Variants in COL8A1 observed in about 807,000 individuals in gnomAD.
COL8A1 encodes collagen type VIII alpha 1 chain.
Under a neutral mutation model 42.7 loss-of-function variants are expected in COL8A1, and 21 were observed. The ratio of observed to expected loss-of-function variants is 0.49; its 90% CI spans 0.35 to 0.71. The LOEUF (loss-of-function observed/expected upper bound fraction) is 0.71. Ranked by LOEUF, COL8A1 falls within the 30% of genes least tolerant of loss-of-function variation. The pLI is 0.01. For synonymous variants in COL8A1, 367 were observed against 369.1 expected (o/e 0.99, Z 0.06); for missense variants, 788 against 962.4 (o/e 0.82, Z 2.40).
intron 1 of COL8A1, among the ~76,000 whole-genome samples, chr3:99,697,278 G>A (rs1371029799): frequency 6.6e-6 from 1 of 152,078 alleles, no homozygotes; most frequent in African/African-American, 2.4e-5. Context: ...GAGCCACCGC[G>A]CCCGGCACAA....
intron 1 of COL8A1, among the ~76,000 whole-genome samples, chr3:99,731,087 A>T (rs900805158): frequency 1.6e-4 from 24 of 152,130 alleles, no homozygotes; most frequent in Non-Finnish European, 2.8e-4. Flanking sequence ...TACAGTACAC[A>T]AAGCAAGTTT....
At chr3:99,646,581 C>T (rs528136985) in intron 1 of COL8A1, among the ~76,000 whole-genome samples, 25 of 152,166 alleles carry the variant, frequency 1.6e-4, no homozygotes, top group Admixed American at 6.5e-5. Flanking sequence ...TAATTTAGTA[C>T]GGTAAATGGA....
intron 1 of COL8A1, among the ~76,000 whole-genome samples, chr3:99,654,936 AGG>A (rs757813225): frequency 6.6e-6 from 1 of 152,162 alleles, no homozygotes; most frequent in African/African-American, 2.4e-5. Flanking sequence ...TTGTTTGGTT[AGG>A]ACTTCCATGC....
At chr3:99,731,591 C>A (rs531653059) in intron 1 of COL8A1, among the ~76,000 whole-genome samples, 1 of 152,238 alleles carries the variant, frequency 6.6e-6, no homozygotes, top group Admixed American at 6.5e-5. Flanking sequence ...ATGATCTGAT[C>A]TACATTTTTC....
At chr3:99,752,741 C>G (rs1325861941) in intron 2 of COL8A1, among the ~76,000 whole-genome samples, 1 of 151,256 alleles carries the variant, frequency 6.6e-6, no homozygotes, top group Non-Finnish European at 1.5e-5. Flanking sequence ...CTCTGGACTA[C>G]AGTGAATTCA....
chr3:99,754,439 T>A (rs1941214226), intron 2 of COL8A1, among the ~76,000 whole-genome samples: 2 of 152,138 alleles, frequency 1.3e-5, no homozygotes, highest in Non-Finnish European at 2.9e-5. Context: ...ACTGTTTTTT[T>A]TTTTCAAATT....
chr3:99,770,886 G>A (rs927300971), intron 2 of COL8A1, among the ~76,000 whole-genome samples: 1 of 152,228 alleles, frequency 6.6e-6, no homozygotes, highest in African/African-American at 2.4e-5. Context: ...AGAATGCTAT[G>A]AATGAGGCCA....
rs189638247 is a variant in COL8A1, at chr3:99,698,068, T to G, written c.-128-46829T>G. On this transcript the variant is annotated intron_variant, in intron 1 of 3. Coordinates refer to ENST00000652472, the MANE Select transcript of COL8A1 (RefSeq NM_020351.4). ...ACCTATGAGTGAGAACATGTGGTGT[T>G]TGGTTTTCTGTCCTTTTGATAGTTT... Among the ~76,000 whole-genome samples, 12 of 152,352 alleles carry G rather than the reference T, an allele frequency of 7.9e-5. No individual in the cohort carries two copies. The East Asian group carries it at 2.3e-3, about 29-fold the overall frequency.
intron 2 of COL8A1, among the ~76,000 whole-genome samples, chr3:99,769,737 G>C (rs1377078278): frequency 6.6e-6 from 1 of 152,112 alleles, no homozygotes; most frequent in East Asian, 1.9e-4. Context: ...TGGCCAACAT[G>C]GTGAAACCGT....
chr3:99,776,639 G>A (rs1941698454), intron 2 of COL8A1, among the ~76,000 whole-genome samples: 1 of 152,168 alleles, frequency 6.6e-6, no homozygotes, highest in Non-Finnish European at 1.5e-5. Flanking sequence ...TCTCACACAA[G>A]AAAGAATTTG....
intron 1 of COL8A1, among the ~76,000 whole-genome samples, chr3:99,720,897 A>G (rs1429079942): frequency 6.6e-6 from 1 of 152,140 alleles, no homozygotes; most frequent in Non-Finnish European, 1.5e-5. Flanking sequence ...TGAGAACTAA[A>G]GTGAATGGGA....
At chr3:99,655,681 A>T (rs1937995443) in intron 1 of COL8A1, among the ~76,000 whole-genome samples, 2 of 152,276 alleles carry the variant, frequency 1.3e-5, no homozygotes, top group South Asian at 4.1e-4. Flanking sequence ...AATTGAGGAC[A>T]AAAAGTAAAT....
At position 99,795,948 on chromosome 3, in the gene COL8A1, G is replaced by A. The variant is rs778398809; in HGVS notation, c.2047G>A (p.Glu683Lys). Residue 683 changes from glutamate to lysine, a missense_variant, in exon 4 of 4, where the codon GAG (glutamate) becomes AAG (lysine). Glu to Lys is a moderately conservative substitution (Grantham distance 56). Around this residue, in one of 4 missense-constraint regions of COL8A1, gnomAD observed 212 missense variants for 210.9 expected, o/e 1.00. Transcript: ENST00000652472. ...GTGGGTTGCTCTATTCAAGAACAACGAGCCCGTGATGTACACGTACGACGA... is the reference window on the plus strand; with the variant it reads ...GTGGGTTGCTCTATTCAAGAACAACAAGCCCGTGATGTACACGTACGACGA... ...NVWVALFKNN[E>K]PVMYTYDEYK... The A allele has an allele frequency of 6.8e-6, 11 of 1,614,116 alleles. No homozygotes were observed. The highest frequency in any genetic ancestry group is 4.4e-5 in the South Asian group (4 of 91,084).
At position 99,797,313 on chromosome 3, in the gene COL8A1, C is replaced by T. The variant is rs745789235; in HGVS notation, c.*1177C>T. On this transcript the variant is annotated 3_prime_UTR_variant, in exon 4 of 4. Transcript: ENST00000652472. ...TTTGAGATGGAGTCTTACTCTGTCA[C>T]CCAGGCTGGAGTGCAGTAGCACGAT... 2 of 152,030 alleles carry T rather than the reference C, an allele frequency of 1.3e-5. No homozygotes were observed. Among genetic ancestry groups the T allele is most frequent in the Non-Finnish European group, 2.9e-5 (2 of 68,048 alleles). The allele number at this position is 152,030 out of a possible 1,614,324, so 9.4% of individuals were successfully genotyped here. A position where few individuals can be genotyped will look rare whatever the true frequency, so the allele number is the denominator to read the frequency against.
intron 1 of COL8A1, among the ~76,000 whole-genome samples, chr3:99,682,704 G>C (rs1171895580): frequency 6.6e-6 from 1 of 151,692 alleles, no homozygotes; most frequent in Non-Finnish European, 1.5e-5. Flanking sequence ...GTGACCTCAG[G>C]CATCTCCGTT....
intron 1 of COL8A1, among the ~76,000 whole-genome samples, chr3:99,714,363 G>A (rs1939930644): frequency 6.6e-6 from 1 of 151,598 alleles, no homozygotes; most frequent in Admixed American, 6.6e-5. Flanking sequence ...ATTTGGACAG[G>A]CTGGCTGGAA....
intron 2 of COL8A1, among the ~76,000 whole-genome samples, chr3:99,778,042 C>CA (rs1239096826): frequency 6.6e-6 from 1 of 152,172 alleles, no homozygotes; most frequent in African/African-American, 2.4e-5. Flanking sequence ...GCCCACAAAA[C>CA]AGACTATCAC....
chr3:99,726,505 G>C (rs1315965369), intron 1 of COL8A1, among the ~76,000 whole-genome samples: 2 of 151,534 alleles, frequency 1.3e-5, no homozygotes, highest in Admixed American at 1.3e-4. Context: ...GTCCTGAATG[G>C]TATTGCCTAG....
chr3:99,712,723 G>T (rs1304245564), intron 1 of COL8A1, among the ~76,000 whole-genome samples: 1 of 152,080 alleles, frequency 6.6e-6, no homozygotes, highest in Non-Finnish European at 1.5e-5. Flanking sequence ...CTGAGAATTA[G>T]ACAGACATGG....
Sources: gnomAD v4.1 joint callset for allele counts (sites outside exome capture counted in the v4.1 genomes callset) on GRCh38, gnomAD v4.1.1 for gene constraint, gnomAD v4.1.1 regional missense constraint, MANE v1.5 for transcripts, NCBI Gene and HGNC (gene_info 2026-07-23, HGNC 2026-07-21) for gene names.